HUWE1: variants seen among roughly 807,000 people sequenced by gnomAD.
HUWE1 encodes the protein E3 ubiquitin-protein ligase HUWE1.
HUWE1 carries 18 observed loss-of-function variants against 299.4 expected under a neutral mutation model. That is an observed-to-expected ratio of 0.06 (90% CI 0.04 to 0.09). The LOEUF (loss-of-function observed/expected upper bound fraction) is 0.09. Ranked by LOEUF, HUWE1 falls within the 10% of genes least tolerant of loss-of-function variation. The pLI, the probability that HUWE1 is intolerant of heterozygous loss-of-function variation, is 1.00. For missense variants in HUWE1, 1,832 were observed against 3,462.3 expected (o/e 0.53, Z 11.82); for synonymous variants, 1,317 against 1,286.1 (o/e 1.02, Z -0.51).
At chrX:53,619,748 T>C (rs2066023990) in intron 19 of HUWE1, among the ~76,000 whole-genome samples, 1 of 111,405 alleles carries the variant, frequency 9.0e-6, no homozygotes, top group South Asian at 3.8e-4. Context: ...CCTTAAAAAT[T>C]ACCCACAGAT....
chrX:53,578,482 T>TG (rs1216465950), intron 43 of HUWE1, among the ~76,000 whole-genome samples: 116 of 56,307 alleles, frequency 2.1e-3, no homozygotes, highest in Middle Eastern at 0.012. Flanking sequence ...AGGAGGGAGG[T>TG]GGGGGGGTCA....
intron 3 of HUWE1, among the ~76,000 whole-genome samples, chrX:53,677,205 C>A (rs1458905893): frequency 1.9e-5 from 2 of 106,491 alleles, no homozygotes; most frequent in Admixed American, 2.1e-4. Context: ...ATCAGAAATG[C>A]AAAATCTGGG....
At position 53,548,961 on chromosome X, in the gene HUWE1, T is replaced by C; in HGVS notation, c.10033A>G (p.Lys3345Glu). 8.4e-7 allele frequency: 1 copy of C among 1,193,505 alleles called. No individual in the cohort carries two copies. The highest frequency in any genetic ancestry group is 1.1e-6 in the Non-Finnish European group (1 of 885,707). Reference protein sequence around the residue: ...HVLDTLIQLAKVFPSHFTQQR... With the variant: ...HVLDTLIQLAEVFPSHFTQQR... ...GGAGTTGGGTTTGAAACCCTCACCT[T>C]GGCCAATTGAATGAGTGTATCCAAA... The change falls in exon 67 of 84, where the codon AAG becomes GAG. Residue 3345 changes from lysine to glutamate, a missense_variant and splice_region_variant. Around this residue, in one of 15 missense-constraint regions of HUWE1, gnomAD observed 80 missense variants for 142.1 expected, o/e 0.56. Coordinates refer to ENST00000262854, the MANE Select transcript of HUWE1 (RefSeq NM_031407.7).
intron 29 of HUWE1, among the ~76,000 whole-genome samples, chrX:53,596,506 A>G (rs943901853): frequency 3.6e-5 from 4 of 112,289 alleles, no homozygotes; most frequent in Non-Finnish European, 7.5e-5. Context: ...AATAAGCAGT[A>G]TTGAGTAACT....
chrX:53,604,182 G>A (rs1199409313), intron 26 of HUWE1, among the ~76,000 whole-genome samples: 2 of 111,670 alleles, frequency 1.8e-5, no homozygotes, highest in Non-Finnish European at 3.8e-5. Context: ...TGGAACTATG[G>A]ATTATGGATT....
chrX:53,670,997 T>C (rs1410219634), intron 3 of HUWE1, among the ~76,000 whole-genome samples: 1 of 112,049 alleles, frequency 8.9e-6, no homozygotes, highest in Non-Finnish European at 1.9e-5. Flanking sequence ...CAGTGAAAAA[T>C]GCAAGGTTAG....
At chrX:53,573,241 T>C (rs2062921573) in intron 47 of HUWE1, among the ~76,000 whole-genome samples, 1 of 111,303 alleles carries the variant, frequency 9.0e-6, no homozygotes, top group Non-Finnish European at 1.9e-5. Context: ...GCCTAGCTCT[T>C]TCAGGTTTTT....
rs782679190 is a variant in HUWE1, at chrX:53,584,253, C to T, written c.5094G>A (p.Gln1698=). 13 of 1,201,124 alleles carry T rather than the reference C, an allele frequency of 1.1e-5. No individual in the cohort carries two copies. The Admixed American group carries it at 2.0e-4, about 18-fold the overall frequency. The change falls in exon 41 of 84, where the codon CAG becomes CAA. Residue 1698 remains glutamine (Q), a synonymous_variant. Coordinates refer to ENST00000262854, the MANE Select transcript of HUWE1 (RefSeq NM_031407.7). Reference sequence around the variant, plus strand: ...TTTCTTCCAGCGTCTTCTCTAGTTCCTGTCCATTGCTGTTTTTTGAATTTT... The same window carrying T: ...TTTCTTCCAGCGTCTTCTCTAGTTCTTGTCCATTGCTGTTTTTTGAATTTT... ...LNKNSKNSNG[Q]ELEKTLEESK...
chrX:53,578,247 G>GGCC (rs1224224290), intron 43 of HUWE1, among the ~76,000 whole-genome samples: 1 of 104,937 alleles, frequency 9.5e-6, no homozygotes, highest in Admixed American at 9.9e-5. Context: ...GTCTCTGCCC[G>GGCC]GCCGCCGCCC....
At position 53,632,516 on chromosome X, in the gene HUWE1, G is replaced by A; in HGVS notation, c.616C>T (p.Pro206Ser). Reference sequence around the variant, plus strand: ...TTCTCAATTTTGACCTCGGCCCCAGGATCTGCATAGAATTCAAAGTGTAGT... The same window carrying A: ...TTCTCAATTTTGACCTCGGCCCCAGAATCTGCATAGAATTCAAAGTGTAGT... ...TTLHFEFYAD[P>S]GAEVKIEKRT... Residue 206 changes from proline to serine, a missense_variant, in exon 9 of 84, where the codon CCT becomes TCT. Pro to Ser is a moderately conservative substitution (Grantham distance 74). Around this residue, in one of 15 missense-constraint regions of HUWE1, gnomAD observed 658 missense variants for 1,282.6 expected, o/e 0.51. Coordinates refer to ENST00000262854, the MANE Select transcript of HUWE1 (RefSeq NM_031407.7). 8.3e-7 allele frequency: 1 copy of A among 1,205,931 alleles called. No homozygotes were observed.
chrX:53,633,030 T>C (rs1313915765), intron 8 of HUWE1, among the ~76,000 whole-genome samples: 1 of 112,868 alleles, frequency 8.9e-6, no homozygotes, highest in East Asian at 2.8e-4. Flanking sequence ...ATTCAAAGTA[T>C]GCCTCATAGG....
chrX:53,651,259 A>C (rs1209550886), intron 4 of HUWE1, among the ~76,000 whole-genome samples: 1 of 110,567 alleles, frequency 9.0e-6, no homozygotes, highest in African/African-American at 3.3e-5. Context: ...CATCACCACA[A>C]TCCAGGTAAT....
At chrX:53,568,956 C>T (rs1404597439) in intron 48 of HUWE1, 82 bp from the exon 49 acceptor site, 1 of 831,248 alleles carries the variant, frequency 1.2e-6, no homozygotes, top group Non-Finnish European at 1.7e-6. Flanking sequence ...CCTCAGATAA[C>T]CCTCCTGTAA....
At chrX:53,590,802 G>A (rs1179288942) in intron 34 of HUWE1, among the ~76,000 whole-genome samples, 198 bp downstream of exon 34, 1 of 112,212 alleles carries the variant, frequency 8.9e-6, no homozygotes, top group Admixed American at 9.4e-5. Flanking sequence ...GGGTTCTTGT[G>A]CAAACAAAGT....
chrX:53,686,701 C>CAGCCCTGCTCT lies in HUWE1; in HGVS notation c.-376_-375insAGAGCAGGGCT, dbSNP rs2070439063. ...CTCCAGCCCTGCTCCAGCCCTGCTC[C>CAGCCCTGCTCT]CCTCGCTAGCCCTCAGTCGAAAGCC... On this transcript the variant is annotated 5_prime_UTR_variant, in exon 1 of 84. Coordinates refer to ENST00000262854, the MANE Select transcript of HUWE1 (RefSeq NM_031407.7). 8.5e-6 allele frequency: 1 copy of CAGCCCTGCTCT among 118,217 alleles called. No homozygotes were observed. The highest frequency in any genetic ancestry group is 9.2e-5 in the Admixed American group (1 of 10,860). The allele number at this position is 118,217 out of a possible 1,213,427, so 9.7% of individuals were successfully genotyped here. A position where few individuals can be genotyped will look rare whatever the true frequency, so the allele number is the denominator to read the frequency against.
At position 53,586,481 on chromosome X, in the gene HUWE1, A is replaced by AT. The variant is rs2063866300; in HGVS notation, c.4824+8dup. On this transcript the variant is annotated intron_variant, in intron 39 of 83. Transcript: ENST00000262854. Reference sequence around the variant, plus strand: ...ACCGTCCTGCAGTCATACATACTACATTACACACCTTAGTCATCTGGGCTC... The same window carrying AT: ...ACCGTCCTGCAGTCATACATACTACATTTACACACCTTAGTCATCTGGGCTC... The AT allele has an allele frequency of 1.7e-6, 2 of 1,175,564 alleles. No homozygotes were observed. The highest frequency in any genetic ancestry group is 4.4e-5 in the Admixed American group (2 of 45,933).
chrX:53,651,533 T>C (rs2068469884), intron 4 of HUWE1, among the ~76,000 whole-genome samples: 1 of 112,190 alleles, frequency 8.9e-6, no homozygotes, highest in African/African-American at 3.2e-5. Flanking sequence ...AGTATTACAA[T>C]ACTGAATTCG....
intron 19 of HUWE1, among the ~76,000 whole-genome samples, chrX:53,623,885 C>G (rs1159428564): frequency 2.7e-5 from 3 of 112,241 alleles, no homozygotes; most frequent in Non-Finnish European, 5.6e-5. Context: ...AAACACAATG[C>G]TTGCTACTAC....
chrX:53,675,539 C>T (rs782310588), intron 3 of HUWE1, among the ~76,000 whole-genome samples: 2 of 110,543 alleles, frequency 1.8e-5, no homozygotes, highest in Non-Finnish European at 3.8e-5. Flanking sequence ...GTCCTTAACT[C>T]GACTGTGAGT....
Sources: gnomAD v4.1 joint callset for allele counts (sites outside exome capture counted in the v4.1 genomes callset) on GRCh38, gnomAD v4.1.1 for gene constraint, gnomAD v4.1.1 regional missense constraint, MANE v1.5 for transcripts, NCBI Gene and HGNC (gene_info 2026-07-23, HGNC 2026-07-21) for gene names.